Variants in SIAE observed in about 807,000 individuals in gnomAD.
The protein encoded by SIAE is sialic acid acetylesterase.
SIAE carries 39 observed loss-of-function variants against 52.6 expected under a neutral mutation model. The observed-to-expected ratio is 0.74, with a 90% confidence interval of 0.57 to 0.97. The LOEUF is 0.97. SIAE is among the 50% of genes least tolerant of loss of function. SIAE has a pLI of 0.00. For missense variants in SIAE, 592 were observed against 662.1 expected (o/e 0.89, Z 1.16); for synonymous variants, 233 against 241.4 (o/e 0.97, Z 0.32).
At chr11:124,650,087 T>C (rs542043302) in intron 4 of SIAE, among the ~76,000 whole-genome samples, 3 of 152,226 alleles carry the variant, frequency 2.0e-5, no homozygotes, top group Non-Finnish European at 4.4e-5. Context: ...TTCATGTTTT[T>C]TCAGTTACTC....
chr11:124,638,161 A>G (rs1033152944), intron 9 of SIAE, among the ~76,000 whole-genome samples: 1 of 152,240 alleles, frequency 6.6e-6, no homozygotes, highest in African/African-American at 2.4e-5. Flanking sequence ...AGGATTTAGG[A>G]GAGTGTAACA....
rs1217151043 is a variant in SIAE at position 124,669,395 on chromosome 11, T to C, written c.194A>G (p.Gln65Arg). 1.2e-6 allele frequency: 2 copies of C among 1,614,096 alleles called. No individual in the cohort carries two copies. The highest frequency in any genetic ancestry group is 2.2e-5 in the East Asian group (1 of 44,884). The part of the protein sequence containing the change: ...ATVTVTLRQG[Q>R]ETIMKKVTSV... ...GGTCACTTTCTTCATGATGGTTTCC[T>C]GACCTTGGCGCAGGGTCACGGTCAC... The change falls in exon 2 of 10, where the codon CAG (glutamine) becomes CGG (arginine). Residue 65 changes from glutamine (Q) to arginine (R), a missense_variant. Gln to Arg is a conservative substitution (Grantham distance 43, BLOSUM62 1). Transcript: ENST00000263593.
chr11:124,672,231 T>G (rs961727300), intron 1 of SIAE, among the ~76,000 whole-genome samples: 1 of 152,202 alleles, frequency 6.6e-6, no homozygotes, highest in Non-Finnish European at 1.5e-5. Context: ...TTCAGTTTTT[T>G]CCTTCATTTG....
At chr11:124,638,879 T>G (rs1942797865) in intron 8 of SIAE, 142 bp from the exon 9 acceptor site, 2 of 689,054 alleles carry the variant, frequency 2.9e-6, no homozygotes, top group Non-Finnish European at 5.0e-6. Flanking sequence ...GCTAGTCAGC[T>G]CAAGGGAAAT....
chr11:124,640,853 C>A (rs138729641), intron 7 of SIAE, among the ~76,000 whole-genome samples: 1 of 152,322 alleles, frequency 6.6e-6, no homozygotes, highest in African/African-American at 2.4e-5. Flanking sequence ...CTGCTGCTAT[C>A]GCCATAAGAA....
intron 7 of SIAE, among the ~76,000 whole-genome samples, chr11:124,642,017 A>ATT (rs1011000596): frequency 4.1e-4 from 63 of 152,098 alleles, no homozygotes; most frequent in Admixed American, 1.0e-3. Flanking sequence ...AGAGAGACAG[A>ATT]TTAGTTAAGC....
At chr11:124,656,760 C>A (rs1943107382) in intron 3 of SIAE, among the ~76,000 whole-genome samples, 2 of 152,132 alleles carry the variant, frequency 1.3e-5, no homozygotes, top group Admixed American at 6.5e-5. Context: ...ACTGGCCCAG[C>A]TTCTCCCAAA....
chr11:124,636,556 T>TAAAG lies in SIAE; in HGVS notation c.*391_*394dup, dbSNP rs1555094805. 1 of 283,406 alleles carries TAAAG rather than the reference T, an allele frequency of 3.5e-6. No homozygotes were observed. The highest frequency in any genetic ancestry group is 6.8e-6 in the Non-Finnish European group (1 of 146,720). 17.6% of individuals were successfully genotyped at this position (283,406 alleles called of 1,614,324 possible). A position where few individuals can be genotyped will look rare whatever the true frequency, so the allele number is the denominator to read the frequency against. On this transcript the variant is annotated 3_prime_UTR_variant, in exon 10 of 10. Coordinates refer to ENST00000263593, the MANE Select transcript of SIAE (RefSeq NM_170601.5). ...TAGTACTTGGATGGGAGAAATTTTA[T>TAAAG]AAAGAACACATGAACACTAGCTGGC...
chr11:124,655,538 T>C (rs1045345506), intron 3 of SIAE, among the ~76,000 whole-genome samples: 41 of 151,924 alleles, frequency 2.7e-4, no homozygotes, highest in Non-Finnish European at 5.0e-4. Flanking sequence ...CGTGGGGAGG[T>C]AGATTTGTCT....
Position 124,645,326 on chromosome 11 carries a change from T to C in SIAE, c.966+2039A>G, listed in dbSNP as rs1035407381. 7.9e-5 allele frequency among the ~76,000 whole-genome samples: 12 copies of C among 152,132 alleles called. No homozygotes were observed. Among genetic ancestry groups the C allele is most frequent in the Admixed American group, 5.9e-4 (9 of 15,268 alleles). Reference sequence around the variant, plus strand: ...TTTCTGATTGCTATATTTCTTTTTTTTTTTTGAGACGGAGTTTCGCTCTTA... The same window carrying C: ...TTTCTGATTGCTATATTTCTTTTTTCTTTTTGAGACGGAGTTTCGCTCTTA... On this transcript the variant is annotated intron_variant, in intron 7 of 9. Coordinates refer to ENST00000263593, the MANE Select transcript of SIAE (RefSeq NM_170601.5). The surrounding 1 kb of genome is among the most constrained non-coding windows in gnomAD (Gnocchi z 4.7).
chr11:124,675,606 A>G (rs1426113753), upstream of SIAE: 3 of 552,720 alleles, frequency 5.4e-6, no homozygotes, highest in Non-Finnish European at 9.2e-6. Flanking sequence ...GTTTCATATT[A>G]TCGAAGATTA....
chr11:124,662,146 A>G (rs1943194721), intron 2 of SIAE, among the ~76,000 whole-genome samples: 1 of 152,242 alleles, frequency 6.6e-6, no homozygotes, highest in Non-Finnish European at 1.5e-5. Flanking sequence ...TAAATCTAAG[A>G]CCAAATGTTC....
intron 2 of SIAE, among the ~76,000 whole-genome samples, chr11:124,662,905 G>C (rs573341715): frequency 8.6e-4 from 131 of 152,340 alleles, no homozygotes; most frequent in African/African-American, 3.0e-3. Context: ...AGCACTTTGG[G>C]AGGCCGAGGC....
chr11:124,674,167 T>C (rs1272593143), upstream of SIAE: 10 of 166,972 alleles, frequency 6.0e-5, no homozygotes, highest in South Asian at 6.3e-4. Context: ...TCTGCCCACA[T>C]TGGTTCAGAA....
intron 7 of SIAE, among the ~76,000 whole-genome samples, chr11:124,646,440 C>G (rs1011054029): frequency 3.9e-5 from 6 of 152,088 alleles, no homozygotes; most frequent in Admixed American, 6.5e-5. Context: ...GGCTTCCTAA[C>G]TAATATGTAG....
At position 124,635,203 on chromosome 11, in the gene SIAE, C is replaced by G. The variant is rs1942699246; in HGVS notation, c.*1748G>C. ...GTGGAGGAGTGGACGGGTAGATTGA[C>G]TTTTTCTCAGGCATCAATCTGTTAC... On this transcript the variant is annotated 3_prime_UTR_variant, in exon 10 of 10. Transcript: ENST00000263593. 1 of 152,168 alleles carries G rather than the reference C, an allele frequency of 6.6e-6. No homozygotes were observed. Among genetic ancestry groups the G allele is most frequent in the African/African-American group, 2.4e-5 (1 of 41,408 alleles). 9.4% of individuals were successfully genotyped at this position (152,168 alleles called of 1,614,324 possible). A position where few individuals can be genotyped will look rare whatever the true frequency, so the allele number is the denominator to read the frequency against.
At chr11:124,639,246 G>A (rs145464243) in intron 8 of SIAE, among the ~76,000 whole-genome samples, 3 of 152,318 alleles carry the variant, frequency 2.0e-5, no homozygotes, top group Non-Finnish European at 4.4e-5. Context: ...CCCTGGGGCT[G>A]ATCACAGGTA....
chr11:124,645,758 A>G lies in SIAE; in HGVS notation c.966+1607T>C, dbSNP rs1345890817. 6.6e-6 allele frequency among the ~76,000 whole-genome samples: 1 copy of G among 152,252 alleles called. No individual in the cohort carries two copies. On this transcript the variant is annotated intron_variant, in intron 7 of 9. Coordinates refer to ENST00000263593, the MANE Select transcript of SIAE (RefSeq NM_170601.5). The surrounding 1 kb of genome is among the most constrained non-coding windows in gnomAD (Gnocchi z 4.7). ...CCAAAGCCCAAGTGTAGTTTCCACC[A>G]ACAGGGATGCAGAACTGGTGACAGG...
At chr11:124,668,587 A>G (rs760120642) in intron 2 of SIAE, among the ~76,000 whole-genome samples, 11 of 152,210 alleles carry the variant, frequency 7.2e-5, no homozygotes, top group Non-Finnish European at 1.5e-4. Context: ...AGTCTTTACC[A>G]GTGTTAATTC....
Sources: gnomAD v4.1 joint callset for allele counts (sites outside exome capture counted in the v4.1 genomes callset) on GRCh38, gnomAD v4.1.1 for gene constraint, Gnocchi (gnomAD v3.1) non-coding constraint, MANE v1.5 for transcripts, NCBI Gene and HGNC (gene_info 2026-07-23, HGNC 2026-07-21) for gene names.